CNTN1: variants seen among roughly 807,000 people sequenced by gnomAD.
CNTN1 encodes contactin-1.
CNTN1 carries 38 observed loss-of-function variants against 126.4 expected under a neutral mutation model. That is an observed-to-expected ratio of 0.30 (90% CI 0.23 to 0.39). The LOEUF (loss-of-function observed/expected upper bound fraction) is 0.39, where lower values mean the gene tolerates loss of function less well. Ranked by LOEUF, CNTN1 falls within the 10% of genes least tolerant of loss-of-function variation. CNTN1 has a pLI of 1.00. For missense variants in CNTN1, 1,009 were observed against 1,248.4 expected (o/e 0.81, Z 2.89); for synonymous variants, 413 against 422.6 (o/e 0.98, Z 0.28).
At chr12:40,886,527 C>A (rs1350857067) in intron 1 of CNTN1, among the ~76,000 whole-genome samples, 1 of 152,134 alleles carries the variant, frequency 6.6e-6, no homozygotes, top group African/African-American at 2.4e-5. Context: ...TGCCTGTTCA[C>A]TCTGATGGTA....
intron 1 of CNTN1, among the ~76,000 whole-genome samples, chr12:40,736,814 TAAAC>T (rs1023093063): frequency 3.7e-4 from 57 of 152,122 alleles, no homozygotes; most frequent in African/African-American, 1.2e-3. Context: ...AACTGGGTCT[TAAAC>T]AAACAAACAA....
intron 23 of CNTN1, among the ~76,000 whole-genome samples, chr12:41,034,145 C>T (rs1042944347): frequency 6.6e-6 from 1 of 152,124 alleles, no homozygotes; most frequent in Non-Finnish European, 1.5e-5. Context: ...AAGAGCAAGG[C>T]ATTTTTTCCA....
chr12:40,830,800 T>C (rs1197630550), intron 1 of CNTN1, among the ~76,000 whole-genome samples: 2 of 74,816 alleles, frequency 2.7e-5, no homozygotes, highest in Non-Finnish European at 5.3e-5. Flanking sequence ...TGTATATATA[T>C]ATATATATAT....
At chr12:40,953,428 A>G (rs893959068) in intron 14 of CNTN1, among the ~76,000 whole-genome samples, 3 of 152,098 alleles carry the variant, frequency 2.0e-5, no homozygotes, top group Non-Finnish European at 2.9e-5. Flanking sequence ...ACTTCTCTTG[A>G]GGTATGGAAA....
intron 1 of CNTN1, among the ~76,000 whole-genome samples, chr12:40,843,409 G>A (rs142787000): frequency 2.4e-3 from 368 of 152,124 alleles, no homozygotes; most frequent in African/African-American, 8.6e-3. Flanking sequence ...GAATATTAGG[G>A]ATAAAAGTAA....
intron 23 of CNTN1, among the ~76,000 whole-genome samples, chr12:41,057,018 A>ATGATATTTATAAATATTATAAATATTT (rs1949830823): frequency 1.6e-5 from 1 of 63,224 alleles, no homozygotes; most frequent in Non-Finnish European, 2.7e-5. Flanking sequence ...ATATTTATAA[A>ATGATATTTATAAATATTATAAATATTT]TGATATTTAT....
chr12:40,874,750 T>A (rs1943614027), intron 1 of CNTN1, among the ~76,000 whole-genome samples: 1 of 152,196 alleles, frequency 6.6e-6, no homozygotes, highest in Admixed American at 6.6e-5. Flanking sequence ...TATTTAGGTG[T>A]GTTTTAAAAC....
At chr12:40,772,002 G>T (rs1939357496) in intron 1 of CNTN1, among the ~76,000 whole-genome samples, 6 of 151,928 alleles carry the variant, frequency 3.9e-5, no homozygotes. Flanking sequence ...AGATTTCTCA[G>T]AAAATTATGC....
chr12:40,829,883 G>A (rs969929675), intron 1 of CNTN1, among the ~76,000 whole-genome samples: 1 of 152,030 alleles, frequency 6.6e-6, no homozygotes, highest in Non-Finnish European at 1.5e-5. Flanking sequence ...AAGAATGGAG[G>A]GGGGCAGAAA....
chr12:40,902,342 T>C (rs1944638134), intron 1 of CNTN1, among the ~76,000 whole-genome samples: 1 of 152,110 alleles, frequency 6.6e-6, no homozygotes, highest in African/African-American at 2.4e-5. Flanking sequence ...TGAGAGGAAA[T>C]TGTCCCTCAG....
chr12:40,922,322 T>C lies in CNTN1; in HGVS notation c.294T>C (p.Leu98=). ...SDRYSMVGGN[L]VINNPDKQKD... ...GATACAGTATGGTAGGAGGAAACCT[T>C]GTTATCAACAACCCTGACAAACAGA... is the stretch of plus-strand genomic sequence containing the variant. Residue 98 remains leucine (L), a synonymous_variant, in exon 5 of 24, where the codon CTT becomes CTC. Transcript: ENST00000551295. 1 of 1,614,052 alleles carries C rather than the reference T, an allele frequency of 6.2e-7. No homozygotes were observed. The highest frequency in any genetic ancestry group is 8.5e-7 in the Non-Finnish European group (1 of 1,179,926).
At chr12:40,962,304 G>C (rs1015585892) in intron 15 of CNTN1, among the ~76,000 whole-genome samples, 7 of 151,942 alleles carry the variant, frequency 4.6e-5, no homozygotes, top group Admixed American at 4.6e-4. Context: ...GGTGGAAAAG[G>C]GTGAGTATAT....
At chr12:40,902,296 G>C (rs556128628) in intron 1 of CNTN1, among the ~76,000 whole-genome samples, 1 of 152,268 alleles carries the variant, frequency 6.6e-6, no homozygotes, top group East Asian at 1.9e-4. Flanking sequence ...AAGATGAAGG[G>C]ACTTGAGCAG....
chr12:40,763,032 A>G (rs1237459913), intron 1 of CNTN1: 1 of 152,162 alleles, frequency 6.6e-6, no homozygotes, highest in Non-Finnish European at 1.5e-5. Flanking sequence ...CTGTTAGTTC[A>G]TGTGAGAGCA....
intron 1 of CNTN1, among the ~76,000 whole-genome samples, chr12:40,773,020 C>A (rs765341688): frequency 1.6e-4 from 24 of 151,788 alleles, no homozygotes; most frequent in Admixed American, 5.9e-4. Flanking sequence ...TACATATATT[C>A]CAAACTTTTG....
At chr12:40,774,337 A>T (rs1183427227) in intron 1 of CNTN1, among the ~76,000 whole-genome samples, 2 of 151,646 alleles carry the variant, frequency 1.3e-5, no homozygotes, top group Non-Finnish European at 3.0e-5. Flanking sequence ...AGGCTCTCTA[A>T]GGAAGGCAGT....
At chr12:40,789,012 G>A (rs1477048001) in intron 1 of CNTN1, among the ~76,000 whole-genome samples, 2 of 152,064 alleles carry the variant, frequency 1.3e-5, no homozygotes, top group Non-Finnish European at 1.5e-5. Context: ...AGAATCTATA[G>A]AGGGAGTTAT....
rs966579671 is a variant in CNTN1, at chr12:41,020,495, C to T, written c.2523+55C>T. On this transcript the variant is annotated intron_variant, in intron 20 of 23. Transcript: ENST00000551295. ...ATTTATTCATAAATATATAAGCATA[C>T]GTTTTCAAATGTGTTGTATGTTTCA... The T allele has an allele frequency of 1.2e-4, 133 of 1,136,606 alleles. 1 individual carries two copies. Among genetic ancestry groups the T allele is most frequent in the South Asian group, 1.3e-4 (10 of 76,630 alleles). The allele number at this position is 1,136,606 out of a possible 1,614,324, so 70.4% of individuals were successfully genotyped here.
intron 1 of CNTN1, among the ~76,000 whole-genome samples, chr12:40,694,311 A>G (rs1941390553): frequency 6.6e-6 from 1 of 152,184 alleles, no homozygotes; most frequent in Non-Finnish European, 1.5e-5. Flanking sequence ...ATCTATTTGT[A>G]CTATGTGAAC....
Sources: allele counts gnomAD v4.1 joint callset (sites outside exome capture counted in the v4.1 genomes callset), GRCh38; gene constraint gnomAD v4.1.1; transcripts MANE v1.5; gene names NCBI Gene and HGNC (gene_info 2026-07-23, HGNC 2026-07-21).